The following SDK1 variants were observed in gnomAD, a reference collection of about 807,000 sequenced individuals.
The protein encoded by SDK1 is protein sidekick-1.
A neutral mutation model predicts 245.5 loss-of-function variants in SDK1; 157 were observed. The observed-to-expected ratio is 0.64, with a 90% CI of 0.56 to 0.73. The LOEUF (loss-of-function observed/expected upper bound fraction) is 0.73. SDK1 is among the 30% of genes least tolerant of loss of function. The probability of loss-of-function intolerance (pLI) is 0.00; values close to 1 mark genes in which losing one functional copy is unlikely to be tolerated. For missense variants in SDK1, 3,583 were observed against 3,002.3 expected, an observed-to-expected ratio of 1.19 and a Z score of -4.52; for synonymous variants, 1,647 against 1,278.5, an observed-to-expected ratio of 1.29 and a Z score of -6.15.
At chr7:3,905,619 T>C (rs1265831042) in intron 5 of SDK1, among the ~76,000 whole-genome samples, 1 of 152,156 alleles carries the variant, frequency 6.6e-6, no homozygotes, top group Non-Finnish European at 1.5e-5. Flanking sequence ...TCATGTCCTT[T>C]ATCAATTCCA....
At position 3,639,004 on chromosome 7, in the gene SDK1, G is replaced by T; in HGVS notation, c.459G>T (p.Lys153Asn). The T allele has an allele frequency of 6.3e-7, 1 of 1,588,754 alleles. No homozygotes were observed. The highest frequency in any genetic ancestry group is 8.6e-7 in the Non-Finnish European group (1 of 1,160,912). Reference sequence around the variant, plus strand: ...AACACTTCTTTTTGCTATTCAACAGGTACATTATTCCATCTTTGCAGAAGC... The same window carrying T: ...AACACTTCTTTTTGCTATTCAACAGTTACATTATTCCATCTTTGCAGAAGC... ...SELTTYSSEY[K>N]YIIPSLQKLD... Residue 153 changes from lysine to asparagine, a missense_variant and splice_region_variant, in exon 3 of 45, where the codon AAG becomes AAT. By Grantham distance (94) the Lys-to-Asn change is moderately conservative (BLOSUM62 0). Coordinates refer to ENST00000404826, the MANE Select transcript of SDK1 (RefSeq NM_152744.4).
intron 1 of SDK1, among the ~76,000 whole-genome samples, chr7:3,536,289 A>G (rs1421069943): frequency 6.6e-6 from 1 of 151,538 alleles, no homozygotes; most frequent in Non-Finnish European, 1.5e-5. Context: ...GATGGTCTCG[A>G]TCTCCTGACC....
intron 1 of SDK1, among the ~76,000 whole-genome samples, chr7:3,385,159 G>A (rs1231053671): frequency 6.6e-6 from 1 of 152,240 alleles, no homozygotes; most frequent in African/African-American, 2.4e-5. Context: ...TTCCACTCAC[G>A]TCATCTTAGG....
rs1209464181 is a variant in SDK1 at position 3,398,362 on chromosome 7, A to AT, written c.298+96481dup. 2.0e-5 allele frequency among the ~76,000 whole-genome samples: 3 copies of AT among 151,958 alleles called. No individual in the cohort carries two copies. The East Asian group carries it at 5.8e-4, about 29-fold the overall frequency. ...TCTATAATCTTGTGATAAACCTCAG[A>AT]TTTGTTTAGTAGGCCTGAGTCCCTG... On this transcript the variant is annotated intron_variant, in intron 1 of 44. Coordinates refer to ENST00000404826, the MANE Select transcript of SDK1 (RefSeq NM_152744.4).
At chr7:3,846,243 C>T (rs1780275814) in intron 5 of SDK1, among the ~76,000 whole-genome samples, 1 of 152,170 alleles carries the variant, frequency 6.6e-6, no homozygotes, top group African/African-American at 2.4e-5. Flanking sequence ...CTGGCATATC[C>T]TTTTGGGTAT....
intron 4 of SDK1, among the ~76,000 whole-genome samples, chr7:3,696,281 C>T (rs1381422508): frequency 6.6e-6 from 1 of 152,090 alleles, no homozygotes; most frequent in Non-Finnish European, 1.5e-5. Flanking sequence ...CTTGGTCATC[C>T]TCCACTCCTT....
chr7:3,452,441 T>A (rs764654071), intron 1 of SDK1, among the ~76,000 whole-genome samples: 2 of 152,228 alleles, frequency 1.3e-5, no homozygotes, highest in Non-Finnish European at 2.9e-5. Context: ...AGCCTCTTAC[T>A]ATAAACATCC....
intron 1 of SDK1, among the ~76,000 whole-genome samples, chr7:3,537,494 T>TC (rs1412810717): frequency 6.6e-6 from 1 of 152,202 alleles, no homozygotes; most frequent in African/African-American, 2.4e-5. Flanking sequence ...ACTTTGTCAC[T>TC]CTAAGGAATT....
At chr7:3,403,846 T>TA (rs1323626570) in intron 1 of SDK1, among the ~76,000 whole-genome samples, 5,621 of 106,768 alleles carry the variant, frequency 0.053, 602 homozygotes, top group African/African-American at 0.2. Flanking sequence ...TATATATATA[T>TA]ATATATATAT....
chr7:3,983,437 C>G (rs761965845), intron 13 of SDK1, among the ~76,000 whole-genome samples: 1 of 152,160 alleles, frequency 6.6e-6, no homozygotes, highest in South Asian at 2.1e-4. Context: ...CCTCCACCAG[C>G]AAAAAGACTG....
intron 1 of SDK1, among the ~76,000 whole-genome samples, chr7:3,567,110 C>T (rs1192220911): frequency 6.6e-6 from 1 of 152,204 alleles, no homozygotes; most frequent in African/African-American, 2.4e-5. Context: ...GGTATAGCAT[C>T]ATTAAGGCAA....
rs572711940 is a variant in SDK1, at chr7:4,151,014, G to A, written c.4625+1551G>A. On this transcript the variant is annotated intron_variant, in intron 30 of 44. Transcript: ENST00000404826. The stretch of plus-strand genomic sequence containing the variant: ...AGGTGTCTCCAGCTCCCTGGCCTTT[G>A]AGTTGCGAGGCTTGGAGGTGATAAG... Among the ~76,000 whole-genome samples, 83 of 152,352 alleles carry A rather than the reference G, an allele frequency of 5.4e-4. 1 individual carries two copies. Among genetic ancestry groups the A allele is most frequent in the African/African-American group, 1.9e-3 (80 of 41,592 alleles).
At chr7:3,306,062 A>G (rs1779410702) in intron 1 of SDK1, among the ~76,000 whole-genome samples, 1 of 152,176 alleles carries the variant, frequency 6.6e-6, no homozygotes, top group East Asian at 1.9e-4. Flanking sequence ...TTTCCCATGT[A>G]GCCTCTGCCT....
chr7:3,710,512 G>T (rs567571520), intron 4 of SDK1, among the ~76,000 whole-genome samples: 2 of 152,294 alleles, frequency 1.3e-5, no homozygotes, highest in South Asian at 4.1e-4. Flanking sequence ...AAGCTGCTTA[G>T]GGAAAAATCT....
intron 1 of SDK1, among the ~76,000 whole-genome samples, chr7:3,609,234 T>G (rs1000740177): frequency 3.3e-5 from 5 of 152,190 alleles, no homozygotes; most frequent in Non-Finnish European, 7.3e-5. Flanking sequence ...TTAGGTGTCC[T>G]TAATTTTTTT....
At chr7:3,511,658 A>G (rs1323958104) in intron 1 of SDK1, among the ~76,000 whole-genome samples, 1 of 152,132 alleles carries the variant, frequency 6.6e-6, no homozygotes, top group African/African-American at 2.4e-5. Context: ...GTATTTACCA[A>G]TTATTTTAAA....
At position 3,350,805 on chromosome 7, in the gene SDK1, T is replaced by A. The variant is rs562452010; in HGVS notation, c.298+48921T>A. Among the ~76,000 whole-genome samples, 488 of 152,314 alleles carry A rather than the reference T, an allele frequency of 3.2e-3. 1 individual carries two copies. Among genetic ancestry groups the A allele is most frequent in the African/African-American group, 0.011 (458 of 41,560 alleles). ...ACGATTTATCTTGCAGTATGATAGT[T>A]TGTGTGACACTGAAAAAAATTAGTA... On this transcript the variant is annotated intron_variant, in intron 1 of 44. Transcript: ENST00000404826.
chr7:4,050,879 TATATACC>T (rs1583947968), intron 18 of SDK1, among the ~76,000 whole-genome samples: 1 of 144,306 alleles, frequency 6.9e-6, no homozygotes, highest in East Asian at 2.0e-4. Flanking sequence ...GTATATATTA[TATATACC>T]ATATAGTATA....
At chr7:3,586,073 G>T (rs1480930964) in intron 1 of SDK1, among the ~76,000 whole-genome samples, 2 of 152,116 alleles carry the variant, frequency 1.3e-5, no homozygotes, top group Admixed American at 1.3e-4. Context: ...TGCCTTTGAT[G>T]GTGGGGCTGG....
Sources: allele counts gnomAD v4.1 joint callset (sites outside exome capture counted in the v4.1 genomes callset), GRCh38; gene constraint gnomAD v4.1.1; transcripts MANE v1.5; gene names NCBI Gene and HGNC (gene_info 2026-07-23, HGNC 2026-07-21).